Variants in LIN7A observed in about 807,000 individuals in gnomAD.
LIN7A encodes protein lin-7 homolog A.
Under a neutral mutation model 29.8 loss-of-function variants are expected in LIN7A, and 25 were observed. That is an observed-to-expected ratio of 0.84 (90% CI 0.61 to 1.17). The LOEUF (loss-of-function observed/expected upper bound fraction) is 1.17, where lower values mean the gene tolerates loss of function less well. Ranked by LOEUF, LIN7A falls within the 50% of genes most tolerant of loss-of-function variation. The pLI is 0.00. For synonymous variants in LIN7A, 118 were observed against 107.5 expected (o/e 1.10, Z -0.60); for missense variants, 239 against 287.0 (o/e 0.83, Z 1.21).
At chr12:80,930,737 C>G (rs923741270) in intron 1 of LIN7A, among the ~76,000 whole-genome samples, 9 of 152,208 alleles carry the variant, frequency 5.9e-5, no homozygotes, top group African/African-American at 2.2e-4. Flanking sequence ...GAGCACTACA[C>G]TTGTAGGAGC....
chr12:80,850,598 G>A (rs1873282793), intron 2 of LIN7A, among the ~76,000 whole-genome samples: 2 of 152,150 alleles, frequency 1.3e-5, no homozygotes, highest in South Asian at 4.1e-4. Context: ...GGATGCTACT[G>A]CATCTAGCAT....
chr12:80,852,922 C>T (rs1324160223), intron 2 of LIN7A, among the ~76,000 whole-genome samples: 5 of 152,114 alleles, frequency 3.3e-5, no homozygotes, highest in African/African-American at 7.2e-5. Flanking sequence ...TCTCGTGGTG[C>T]AAGTGCTGTC....
intron 4 of LIN7A, among the ~76,000 whole-genome samples, chr12:80,813,004 T>C (rs1384339042): frequency 6.6e-6 from 1 of 152,120 alleles, no homozygotes; most frequent in East Asian, 1.9e-4. Context: ...GACATAAAAA[T>C]AAATATACAG....
At chr12:80,900,937 C>A (rs1260751771) in intron 1 of LIN7A, among the ~76,000 whole-genome samples, 1 of 152,032 alleles carries the variant, frequency 6.6e-6, no homozygotes, top group African/African-American at 2.4e-5. Context: ...CAGAAAAGAA[C>A]CGAAGGGTAT....
chr12:80,935,977 A>G (rs74342046), intron 1 of LIN7A: 2,758 of 220,828 alleles, frequency 0.012, 46 homozygotes, highest in African/African-American at 0.045. Flanking sequence ...CAGGTATGCA[A>G]TCTTCTTGGA....
chr12:80,933,697 C>G (rs1258816752), intron 1 of LIN7A, among the ~76,000 whole-genome samples: 1 of 152,204 alleles, frequency 6.6e-6, no homozygotes, highest in East Asian at 1.9e-4. Flanking sequence ...CCAGTATGCA[C>G]AGGAGTTCCC....
At chr12:80,844,063 A>T (rs1872947216) in intron 4 of LIN7A, among the ~76,000 whole-genome samples, 2 of 151,946 alleles carry the variant, frequency 1.3e-5, no homozygotes, top group Non-Finnish European at 2.9e-5. Flanking sequence ...CTGTTTTTAA[A>T]TCTATACCTT....
At chr12:80,862,147 C>T (rs1873912229) in intron 2 of LIN7A, among the ~76,000 whole-genome samples, 1 of 152,120 alleles carries the variant, frequency 6.6e-6, no homozygotes, top group African/African-American at 2.4e-5. Flanking sequence ...ATCACCAAGT[C>T]CTTCAGCTTA....
intron 2 of LIN7A, among the ~76,000 whole-genome samples, chr12:80,855,019 G>A (rs1001856339): frequency 2.0e-5 from 3 of 152,034 alleles, no homozygotes; most frequent in African/African-American, 7.2e-5. Context: ...TTAAAACATA[G>A]GATGCTCCAG....
intron 4 of LIN7A, among the ~76,000 whole-genome samples, chr12:80,841,322 G>T (rs1259129372): frequency 3.0e-5 from 4 of 135,280 alleles, no homozygotes; most frequent in Non-Finnish European, 4.7e-5. Context: ...GAAAAGAAAA[G>T]AAATGAAAAG....
chr12:80,810,099 A>G (rs1329637016), intron 5 of LIN7A, among the ~76,000 whole-genome samples: 1 of 152,176 alleles, frequency 6.6e-6, no homozygotes, highest in Admixed American at 6.5e-5. Context: ...TGTATAATAG[A>G]TCATCTTAAC....
intron 3 of LIN7A, among the ~76,000 whole-genome samples, chr12:80,847,763 G>A (rs1363243943): frequency 3.3e-5 from 5 of 152,086 alleles, no homozygotes; most frequent in Admixed American, 6.6e-5. Flanking sequence ...GGTGACAGGC[G>A]TTTTCTATAA....
chr12:80,892,061 C>T (rs911774878), intron 1 of LIN7A, among the ~76,000 whole-genome samples: 2 of 152,274 alleles, frequency 1.3e-5, no homozygotes, highest in East Asian at 3.9e-4. Context: ...CAGTTGCTAT[C>T]ATGTCTGCAT....
intron 2 of LIN7A, among the ~76,000 whole-genome samples, chr12:80,862,997 G>A (rs1200958941): frequency 1.3e-5 from 2 of 152,146 alleles, no homozygotes; most frequent in Non-Finnish European, 2.9e-5. Context: ...TTTCTCATGT[G>A]TTCTGTTACA....
At chr12:80,863,641 T>C (rs1032837117) in intron 2 of LIN7A, among the ~76,000 whole-genome samples, 1 of 152,198 alleles carries the variant, frequency 6.6e-6, no homozygotes, top group Non-Finnish European at 1.5e-5. Flanking sequence ...GGTAGTAACA[T>C]GTGAAAACAT....
intron 4 of LIN7A, among the ~76,000 whole-genome samples, chr12:80,817,253 TG>T (rs1306496928): frequency 1.3e-5 from 2 of 151,826 alleles, no homozygotes; most frequent in African/African-American, 2.4e-5. Flanking sequence ...TACATGAATT[TG>T]CTCATGACAT....
chr12:80,854,195 C>A (rs1321075485), intron 2 of LIN7A, among the ~76,000 whole-genome samples: 1 of 152,058 alleles, frequency 6.6e-6, no homozygotes, highest in East Asian at 1.9e-4. Flanking sequence ...ATAATTGGCA[C>A]AAACTGGAAA....
chr12:80,913,178 A>G (rs1330897546), intron 1 of LIN7A, among the ~76,000 whole-genome samples: 3 of 152,214 alleles, frequency 2.0e-5, no homozygotes, highest in Non-Finnish European at 2.9e-5. Context: ...AAATGCATCT[A>G]CATATTTTGC....
chr12:80,854,974 A>G (rs1440009108), intron 2 of LIN7A, among the ~76,000 whole-genome samples: 3 of 152,164 alleles, frequency 2.0e-5, no homozygotes, highest in Non-Finnish European at 4.4e-5. Flanking sequence ...CAGCATGGAA[A>G]ACAGTAGATA....
Sources: gnomAD v4.1 joint callset for allele counts (sites outside exome capture counted in the v4.1 genomes callset) on GRCh38, gnomAD v4.1.1 for gene constraint, MANE v1.5 for transcripts, NCBI Gene and HGNC (gene_info 2026-07-23, HGNC 2026-07-21) for gene names.